Variants in TTLL9 observed in about 807,000 individuals in gnomAD.
The protein encoded by TTLL9 is probable tubulin polyglutamylase TTLL9.
TTLL9 carries 47 observed loss-of-function variants against 65.6 expected under a neutral mutation model. The ratio of observed to expected loss-of-function variants is 0.72; its 90% CI spans 0.57 to 0.91. TTLL9 has a LOEUF of 0.91. Ranked by LOEUF, TTLL9 falls within the 40% of genes least tolerant of loss-of-function variation. The pLI, the probability that TTLL9 is intolerant of heterozygous loss-of-function variation, is 0.00. For missense variants in TTLL9, 537 were observed against 568.8 expected (o/e 0.94, Z 0.57); for synonymous variants, 179 against 204.8 (o/e 0.87, Z 1.07).
At chr20:31,910,796 A>C (rs1292925443) in intron 6 of TTLL9, among the ~76,000 whole-genome samples, 1 of 152,194 alleles carries the variant, frequency 6.6e-6, no homozygotes, top group Non-Finnish European at 1.5e-5. Context: ...CCTGGAAAAA[A>C]GTAGAGATAG....
At chr20:31,937,331 A>T in intron 12 of TTLL9, 65 bp from the exon 13 acceptor site, 1 of 1,128,424 alleles carries the variant, frequency 8.9e-7, no homozygotes. Context: ...CTAGCCTCTC[A>T]GTGAAATCCT....
At chr20:31,873,420 G>A (rs118160236) in intron 2 of TTLL9, among the ~76,000 whole-genome samples, 3,861 of 152,126 alleles carry the variant, frequency 0.025, 76 homozygotes, top group Non-Finnish European at 0.038. Context: ...AGGCTGAAGC[G>A]GGAACATCGC....
chr20:31,925,012 G>T lies in TTLL9; in HGVS notation c.668G>T (p.Arg223Leu), dbSNP rs774020489. The T allele has an allele frequency of 2.5e-6, 4 of 1,613,982 alleles. No homozygotes were observed. Among genetic ancestry groups the T allele is most frequent in the East Asian group, 2.2e-5 (1 of 44,882 alleles). The change falls in exon 9 of 15, where the codon CGC becomes CTC. Residue 223 changes from arginine to leucine, a missense_variant. This residue lies in a region of TTLL9 where 320 missense variants were observed against 311.0 expected (regional missense o/e 1.03). Transcript: ENST00000535842. ...TAATTTTTTCCTTGCCTGACAGGCC[G>T]CAAGTTTGACCTGCGTGTCTATGTG... ...YIENPYLIGG[R>L]KFDLRVYVLV...
chr20:31,871,007 G>T, intron 1 of TTLL9, 58 bp downstream of exon 1: 1 of 970,488 alleles, frequency 1.0e-6, no homozygotes, highest in Non-Finnish European at 1.7e-6. Context: ...CTACCAACCA[G>T]CCTTCCTCCT....
rs2063483615 is a variant in TTLL9 at position 31,901,799 on chromosome 20, C to T, written c.206+3234C>T. Reference sequence around the variant, plus strand: ...GGGTGACTCCACCCAGCGTAGGTCCCTCAACTACCCCGCCTCATGGCCTCT... The same window carrying T: ...GGGTGACTCCACCCAGCGTAGGTCCTTCAACTACCCCGCCTCATGGCCTCT... On this transcript the variant is annotated intron_variant, in intron 4 of 14. Coordinates refer to ENST00000535842, the MANE Select transcript of TTLL9 (RefSeq NM_001008409.5). Among the ~76,000 whole-genome samples the T allele has an allele frequency of 2.6e-5, 4 of 152,206 alleles. 1 individual carries two copies. In the South Asian group the frequency reaches 8.3e-4, roughly 32 times the overall value.
intron 3 of TTLL9, among the ~76,000 whole-genome samples, chr20:31,893,042 A>G (rs1032582190): frequency 6.6e-6 from 1 of 151,924 alleles, no homozygotes; most frequent in African/African-American, 2.4e-5. Context: ...CTGAATTTCC[A>G]TCTGGTATAA....
intron 6 of TTLL9, among the ~76,000 whole-genome samples, chr20:31,918,416 C>T (rs2063769818): frequency 6.6e-6 from 1 of 151,880 alleles, no homozygotes; most frequent in Non-Finnish European, 1.5e-5. Context: ...ACACTGTTGC[C>T]CAGGCTGTGC....
At chr20:31,928,429 A>C (rs1202763131) in intron 10 of TTLL9, among the ~76,000 whole-genome samples, 2 of 151,964 alleles carry the variant, frequency 1.3e-5, no homozygotes, top group East Asian at 3.8e-4. Flanking sequence ...TTCGCATCAG[A>C]TATTACATAC....
intron 10 of TTLL9, among the ~76,000 whole-genome samples, chr20:31,932,028 G>A (rs2064022177): frequency 6.6e-6 from 1 of 152,106 alleles, no homozygotes; most frequent in African/African-American, 2.4e-5. Flanking sequence ...TTATATTTAG[G>A]TCTGTGGTCC....
chr20:31,890,977 GT>G (rs1215965839), intron 3 of TTLL9, among the ~76,000 whole-genome samples: 1 of 152,214 alleles, frequency 6.6e-6, no homozygotes, highest in East Asian at 1.9e-4. Flanking sequence ...ACCAACAGTT[GT>G]GCCACAGGTT....
At chr20:31,889,993 T>G (rs1600535040) in intron 3 of TTLL9, among the ~76,000 whole-genome samples, 1 of 132,384 alleles carries the variant, frequency 7.6e-6, no homozygotes. Context: ...TTTCTTTCTT[T>G]CTTTCTTTCT....
rs137914996 is a variant in TTLL9 at position 31,871,741 on chromosome 20, T to C, written c.69+546T>C. On this transcript the variant is annotated intron_variant, in intron 2 of 14. Transcript: ENST00000535842. ...AAATACTTACTGAGCATCTAGTATA[T>C]GATAGAGACTAGGGACACAGCAGTG... Among the ~76,000 whole-genome samples the C allele has an allele frequency of 4.1e-3, 626 of 152,286 alleles. 3 individuals carry two copies. The highest frequency in any genetic ancestry group is 0.013 in the African/African-American group (556 of 41,562).
At chr20:31,882,768 T>C (rs1042366430) in intron 2 of TTLL9, among the ~76,000 whole-genome samples, 1 of 152,340 alleles carries the variant, frequency 6.6e-6, no homozygotes, top group African/African-American at 2.4e-5. Flanking sequence ...ATGAGATTTC[T>C]TGAAAAGCTT....
chr20:31,933,092 A>C (rs1320770009), intron 10 of TTLL9, among the ~76,000 whole-genome samples: 1 of 152,180 alleles, frequency 6.6e-6, no homozygotes, highest in African/African-American at 2.4e-5. Context: ...GTGGTCACTT[A>C]ACTTCTCTGA....
intron 2 of TTLL9, among the ~76,000 whole-genome samples, chr20:31,880,173 A>G (rs2063096297): frequency 6.6e-6 from 1 of 152,294 alleles, no homozygotes; most frequent in Non-Finnish European, 1.5e-5. Flanking sequence ...GGAAGTTTAC[A>G]CAACAGTGGG....
chr20:31,923,555 G>A (rs758449811), intron 8 of TTLL9, among the ~76,000 whole-genome samples: 4 of 152,230 alleles, frequency 2.6e-5, no homozygotes, highest in Admixed American at 6.5e-5. Context: ...ACAACTGGGA[G>A]TCACTGTGGG....
intron 2 of TTLL9, among the ~76,000 whole-genome samples, chr20:31,881,804 G>A (rs112599774): frequency 5.1e-4 from 78 of 152,208 alleles, no homozygotes; most frequent in African/African-American, 1.8e-3. Context: ...CCTTGAACCC[G>A]ACTGATTCCT....
chr20:31,903,885 T>C (rs1313450611), intron 4 of TTLL9, among the ~76,000 whole-genome samples: 1 of 152,236 alleles, frequency 6.6e-6, no homozygotes, highest in African/African-American at 2.4e-5. Context: ...ATTTCACCAG[T>C]TTTTTTCCAC....
At chr20:31,898,207 A>G (rs1220352994) in intron 3 of TTLL9, among the ~76,000 whole-genome samples, 1 of 152,254 alleles carries the variant, frequency 6.6e-6, no homozygotes, top group Admixed American at 6.5e-5. Context: ...TGTAAGGATT[A>G]GTCATAGCAC....
Sources: gnomAD v4.1 joint callset for allele counts (sites outside exome capture counted in the v4.1 genomes callset) on GRCh38, gnomAD v4.1.1 for gene constraint, gnomAD v4.1.1 regional missense constraint, MANE v1.5 for transcripts, NCBI Gene and HGNC (gene_info 2026-07-23, HGNC 2026-07-21) for gene names.